HPSE2: variants seen among roughly 807,000 people sequenced by gnomAD.
HPSE2 encodes inactive heparanase-2.
Under a neutral mutation model 60.5 loss-of-function variants are expected in HPSE2, and 38 were observed. The observed-to-expected ratio is 0.63, with a 90% confidence interval of 0.48 to 0.82. HPSE2 has a LOEUF of 0.82. Ranked by LOEUF, HPSE2 falls within the 40% of genes least tolerant of loss-of-function variation. HPSE2 has a pLI of 0.00. For synonymous variants in HPSE2, 295 were observed against 293.2 expected (o/e 1.01, Z -0.06); for missense variants, 713 against 740.4 (o/e 0.96, Z 0.43).
At chr10:98,703,432 T>C (rs1329968653) in intron 5 of HPSE2, among the ~76,000 whole-genome samples, 2 of 152,018 alleles carry the variant, frequency 1.3e-5, no homozygotes, top group Non-Finnish European at 2.9e-5. Context: ...GCTCATTTTA[T>C]GAGGCCAGCA....
intron 3 of HPSE2, among the ~76,000 whole-genome samples, chr10:98,953,789 G>A (rs1955435103): frequency 6.6e-6 from 1 of 152,048 alleles, no homozygotes; most frequent in Non-Finnish European, 1.5e-5. Context: ...TCTTCACCTC[G>A]GCTCTGCCTT....
chr10:98,930,205 A>C lies in HPSE2; in HGVS notation c.611-186149T>G, dbSNP rs1476497399. On this transcript the variant is annotated intron_variant, in intron 3 of 11. Coordinates refer to ENST00000370552, the MANE Select transcript of HPSE2 (RefSeq NM_021828.5). ...CTGTGTCCATGTGTTCTCATTGTTC[A>C]GTTCCCACTTATAAGTGAGAACATG... 1.4e-5 allele frequency among the ~76,000 whole-genome samples: 2 copies of C among 143,818 alleles called. 1 individual carries two copies. The highest frequency in any genetic ancestry group is 3.0e-5 in the Non-Finnish European group (2 of 67,164). 94.4% of individuals were successfully genotyped at this position (143,818 alleles called of 152,430 possible). A position where few individuals can be genotyped will look rare whatever the true frequency, so the allele number is the denominator to read the frequency against.
intron 3 of HPSE2, among the ~76,000 whole-genome samples, chr10:99,113,922 T>C (rs949616229): frequency 2.0e-5 from 3 of 152,182 alleles, no homozygotes; most frequent in Non-Finnish European, 4.4e-5. Flanking sequence ...AGACAAACCA[T>C]TAGCTTTGCA....
intron 5 of HPSE2, among the ~76,000 whole-genome samples, chr10:98,718,243 T>A (rs1948838516): frequency 6.6e-6 from 1 of 152,140 alleles, no homozygotes; most frequent in Non-Finnish European, 1.5e-5. Context: ...AATAAGGAAA[T>A]GAAAACAATA....
At chr10:98,976,159 A>G (rs1564704570) in intron 3 of HPSE2, among the ~76,000 whole-genome samples, 1 of 152,162 alleles carries the variant, frequency 6.6e-6, no homozygotes, top group Non-Finnish European at 1.5e-5. Flanking sequence ...ACCAGAACTC[A>G]GCTATGTTCA....
intron 2 of HPSE2, among the ~76,000 whole-genome samples, chr10:99,211,589 T>A (rs1359952931): frequency 6.6e-6 from 1 of 152,092 alleles, no homozygotes; most frequent in Non-Finnish European, 1.5e-5. Flanking sequence ...TTGACAAAAT[T>A]GCCAAGAACA....
At chr10:98,738,877 GT>G (rs1441519639) in intron 4 of HPSE2, among the ~76,000 whole-genome samples, 1 of 152,146 alleles carries the variant, frequency 6.6e-6, no homozygotes, top group East Asian at 1.9e-4. Context: ...GTTGGTGGGA[GT>G]GTAAATTAGT....
chr10:98,574,195 A>G (rs1255199001), intron 9 of HPSE2, among the ~76,000 whole-genome samples: 1 of 152,208 alleles, frequency 6.6e-6, no homozygotes, highest in Non-Finnish European at 1.5e-5. Flanking sequence ...TATTTCTTAA[A>G]GACAGCAGTA....
intron 3 of HPSE2, among the ~76,000 whole-genome samples, chr10:99,016,742 T>C (rs1957151739): frequency 6.6e-6 from 1 of 152,156 alleles, no homozygotes; most frequent in Non-Finnish European, 1.5e-5. Context: ...TAGAGATTTT[T>C]ACCTCCCTAG....
intron 3 of HPSE2, among the ~76,000 whole-genome samples, chr10:98,857,496 A>G (rs1952346593): frequency 6.6e-6 from 1 of 152,154 alleles, no homozygotes; most frequent in Non-Finnish European, 1.5e-5. Flanking sequence ...AACTTGAATC[A>G]TTCCCCAGTG....
chr10:98,579,315 T>TA (rs1944727424), intron 9 of HPSE2, among the ~76,000 whole-genome samples: 1 of 152,120 alleles, frequency 6.6e-6, no homozygotes, highest in African/African-American at 2.4e-5. Context: ...AGCCTAGAAA[T>TA]AGAGGATTTA....
intron 3 of HPSE2, among the ~76,000 whole-genome samples, chr10:98,854,387 A>ATCATTAGCTGTAACG (rs1272240359): frequency 3.9e-5 from 6 of 152,198 alleles, no homozygotes; most frequent in Non-Finnish European, 7.4e-5. Context: ...TTTTTAATGT[A>ATCATTAGCTGTAACG]TCATTAGCTG....
intron 3 of HPSE2, among the ~76,000 whole-genome samples, chr10:98,879,852 C>CGTGTGTGTGT (rs3043546): frequency 0.037 from 5,370 of 145,742 alleles, 138 homozygotes; most frequent in East Asian, 0.12. Context: ...TGTGCATGTG[C>CGTGTGTGTGT]GTGTGTGTGT....
chr10:98,534,551 T>C (rs1161243548), intron 9 of HPSE2, among the ~76,000 whole-genome samples: 1 of 152,148 alleles, frequency 6.6e-6, no homozygotes, highest in Non-Finnish European at 1.5e-5. Flanking sequence ...ATTATAGGCG[T>C]GTGCCACCAC....
At chr10:99,280,048 G>C in the HPSE2 span, among the ~76,000 whole-genome samples, 1 of 152,210 alleles carries the variant, frequency 6.6e-6, no homozygotes, top group Non-Finnish European at 1.5e-5. Context: ...AGGTCCAGGA[G>C]AGCTGGGTTC....
chr10:98,672,915 C>T (rs554828064), intron 6 of HPSE2, among the ~76,000 whole-genome samples: 31 of 152,212 alleles, frequency 2.0e-4, no homozygotes, highest in African/African-American at 7.2e-4. Context: ...GTGTTGCTTG[C>T]AAAGATCACC....
At chr10:98,472,205 C>A (rs910540702) in intron 11 of HPSE2, among the ~76,000 whole-genome samples, 7 of 151,466 alleles carry the variant, frequency 4.6e-5, no homozygotes, top group African/African-American at 1.7e-4. Context: ...TATATATATA[C>A]TCTTACATAT....
At chr10:98,688,600 T>C (rs992159897) in intron 6 of HPSE2, among the ~76,000 whole-genome samples, 1 of 151,008 alleles carries the variant, frequency 6.6e-6, no homozygotes, top group African/African-American at 2.4e-5. Flanking sequence ...CTCAGCCTCC[T>C]GAGTAGCTGG....
chr10:99,152,333 T>G (rs1173854884), intron 2 of HPSE2, among the ~76,000 whole-genome samples: 1 of 143,916 alleles, frequency 6.9e-6, no homozygotes, highest in South Asian at 2.2e-4. Context: ...AAAAAAAGAC[T>G]GAGAGAATTT....
Sources: allele counts gnomAD v4.1 joint callset (sites outside exome capture counted in the v4.1 genomes callset), GRCh38; gene constraint gnomAD v4.1.1; transcripts MANE v1.5; gene names NCBI Gene and HGNC (gene_info 2026-07-23, HGNC 2026-07-21).